Variants in KRT40 observed in about 807,000 individuals in gnomAD.
The protein encoded by KRT40 is keratin, type I cytoskeletal 40.
A neutral mutation model predicts 43.5 loss-of-function variants in KRT40; 47 were observed. The observed-to-expected ratio is 1.08, with a 90% CI of 0.86 to 1.38. The LOEUF (loss-of-function observed/expected upper bound fraction) is 1.38, where lower values mean the gene tolerates loss of function less well. KRT40 is among the 40% of genes most tolerant of loss of function. The probability of loss-of-function intolerance (pLI) is 0.00; values close to 1 mark genes in which losing one functional copy is unlikely to be tolerated. For synonymous variants in KRT40, 212 were observed against 214.0 expected (o/e 0.99, Z 0.08); for missense variants, 573 against 523.6 (o/e 1.09, Z -0.92).
At chr17:40,978,361 A>T in intron 6 of KRT40, 65 bp from the exon 7 acceptor site, 1 of 1,292,182 alleles carries the variant, frequency 7.7e-7, no homozygotes, top group Non-Finnish European at 1.1e-6. Context: ...CAACTCAGAA[A>T]AACCGTGTCA....
intron 5 of KRT40, among the ~76,000 whole-genome samples, chr17:40,980,221 G>T (rs991500186): frequency 6.6e-6 from 1 of 152,146 alleles, no homozygotes; most frequent in Non-Finnish European, 1.5e-5. Context: ...CCTTAAATCA[G>T]CATAGTGCCT....
Position 40,978,949 on chromosome 17 carries a change from T to C in KRT40, c.1051A>G (p.Ile351Val). 1 of 1,614,134 alleles carries C rather than the reference T, an allele frequency of 6.2e-7. No homozygotes were observed. The highest frequency in any genetic ancestry group is 8.5e-7 in the Non-Finnish European group (1 of 1,180,010). ...SSQLAQIQCL[I>V]DNLENQLAEI... The stretch of plus-strand genomic sequence containing the variant: ...GCCAGCTGGTTCTCCAGGTTATCGA[T>C]CAGACACTGAATTTGGGCCAGCTGG... The change falls in exon 6 of 7, where the codon ATC becomes GTC. Residue 351 changes from isoleucine (I) to valine (V), a missense_variant. By Grantham distance (29) the Ile-to-Val change is conservative. Transcript: ENST00000377755.
chr17:40,981,261 T>A, intron 3 of KRT40, 110 bp from the exon 4 acceptor site: 1 of 1,583,424 alleles, frequency 6.3e-7, no homozygotes. Context: ...AAGTGTGAGA[T>A]TTTGATTCAG....
In KRT40 at chr17:40,981,108, A is replaced by T; in HGVS notation, c.731T>A (p.Val244Glu). 1 of 1,614,172 alleles carries T rather than the reference A, an allele frequency of 6.2e-7. No homozygotes were observed. The highest frequency in any genetic ancestry group is 8.5e-7 in the Non-Finnish European group (1 of 1,180,022). ...AAGGGTGGGGGCAGTGTCCAGCTCCACACTGAGGCGGTCGCCAAGCTGTTC... is the reference window on the plus strand; with the variant it reads ...AAGGGTGGGGGCAGTGTCCAGCTCCTCACTGAGGCGGTCGCCAAGCTGTTC... ...LREQLGDRLS[V>E]ELDTAPTLDL... The change falls in exon 4 of 7, where the codon GTG becomes GAG. Residue 244 changes from valine to glutamate, a missense_variant. Transcript: ENST00000377755.
In KRT40 at chr17:40,983,987, A is replaced by G; in HGVS notation, c.287T>C (p.Leu96Pro). 6.2e-7 allele frequency: 1 copy of G among 1,614,090 alleles called. No homozygotes were observed. Among genetic ancestry groups the G allele is most frequent in the Non-Finnish European group, 8.5e-7 (1 of 1,180,026 alleles). Residue 96 changes from leucine (L) to proline (P), a missense_variant, in exon 1 of 7, where the codon CTG becomes CCG. Leu to Pro is a moderately conservative substitution (Grantham distance 98). Transcript: ENST00000377755. ...TSNEKETMQFLNDRLASYLEK... is the reference protein window; with the variant it reads ...TSNEKETMQFPNDRLASYLEK... Reference sequence around the variant, plus strand: ...CAGATAGCTGGCGAGTCTGTCATTCAGGAACTGCATCGTCTCCTTCTCATT... The same window carrying G: ...CAGATAGCTGGCGAGTCTGTCATTCGGGAACTGCATCGTCTCCTTCTCATT...
chr17:40,987,052 A>C (rs1248266558), upstream of KRT40: 1 of 152,238 alleles, frequency 6.6e-6, no homozygotes, highest in African/African-American at 2.4e-5. Flanking sequence ...CTCACATGTC[A>C]AGACTCAGCT....
intron 2 of KRT40, 124 bp from the exon 3 acceptor site, chr17:40,982,587 G>A: frequency 1.5e-6 from 1 of 654,698 alleles, no homozygotes; most frequent in Non-Finnish European, 2.3e-6. Context: ...TAATTCCTAA[G>A]TAATGATAAA....
At chr17:40,980,612 G>A (rs907352020) in intron 5 of KRT40, among the ~76,000 whole-genome samples, 173 bp downstream of exon 5, 2 of 152,132 alleles carry the variant, frequency 1.3e-5, no homozygotes, top group African/African-American at 4.8e-5. Context: ...GTGAAGGTAA[G>A]GCATCTTAGA....
Position 40,983,826 on chromosome 17 carries a change from C to A in KRT40, c.447+1G>T. 1.2e-6 allele frequency: 2 copies of A among 1,612,776 alleles called. No individual in the cohort carries two copies. Among genetic ancestry groups the A allele is most frequent in the Non-Finnish European group, 8.5e-7 (1 of 1,178,898 alleles). On this transcript the variant is annotated splice_donor_variant, in intron 1 of 6. Transcript: ENST00000377755. LOFTEE classifies it high-confidence loss of function. ...GAGCACTAGGGCAACAGGACACAGA[C>A]CTTTTGTTGGAGATCTTCAATGGTG... is the stretch of plus-strand genomic sequence containing the variant.
At chr17:40,985,972 A>G (rs1041068252), upstream of KRT40, among the ~76,000 whole-genome samples, 14 of 152,350 alleles carry the variant, frequency 9.2e-5, no homozygotes, top group African/African-American at 3.1e-4. Flanking sequence ...GTCTGGAACT[A>G]ATTTCTAATT....
Position 40,984,182 on chromosome 17 carries a change from G to C in KRT40, c.92C>G (p.Thr31Arg). 2 of 1,614,104 alleles carry C rather than the reference G, an allele frequency of 1.2e-6. No homozygotes were observed. The highest frequency in any genetic ancestry group is 1.7e-6 in the Non-Finnish European group (2 of 1,180,008). The change falls in exon 1 of 7, where the codon ACA (threonine) becomes AGA (arginine). Residue 31 changes from threonine to arginine, a missense_variant. Transcript: ENST00000377755. ...AGCACAGGTACCGGGGAGACAAGCT[G>C]TTTCCACGGAGCAGCTTGAGGCAGG... The part of the protein sequence containing the change: ...CAPASSCSVE[T>R]ACLPGTCATS...
upstream of KRT40, among the ~76,000 whole-genome samples, chr17:40,986,633 G>T (rs1243220621): frequency 6.6e-6 from 1 of 151,510 alleles, no homozygotes; most frequent in Non-Finnish European, 1.5e-5. Flanking sequence ...GCCCCAGATA[G>T]TTGCTAATCA....
intron 1 of KRT40, 77 bp downstream of exon 1, chr17:40,983,748 TAA>T: frequency 7.1e-7 from 1 of 1,409,664 alleles, no homozygotes; most frequent in Non-Finnish European, 9.8e-7. Flanking sequence ...TTTCCTTCTG[TAA>T]AACAGCCCCT....
chr17:40,984,285 C>G lies in KRT40; in HGVS notation c.-12G>C. Reference sequence around the variant, plus strand: ...CAGTCAGAAGTCATCCTTCCAGAAGCAAAGACAGAGACTGGCTGCAAAACT... The same window carrying G: ...CAGTCAGAAGTCATCCTTCCAGAAGGAAAGACAGAGACTGGCTGCAAAACT... On this transcript the variant is annotated 5_prime_UTR_variant, in exon 1 of 7. Transcript: ENST00000377755. 1.3e-6 allele frequency: 2 copies of G among 1,588,850 alleles called. No individual in the cohort carries two copies. The highest frequency in any genetic ancestry group is 1.7e-4 in the Middle Eastern group (1 of 5,956).
intron 5 of KRT40, 47 bp from the exon 6 acceptor site, chr17:40,979,071 G>A (rs753353453): frequency 1.3e-5 from 18 of 1,417,128 alleles, no homozygotes; most frequent in East Asian, 1.1e-4. Context: ...GCAGTCTCTC[G>A]GGCCAGAGTG....
intron 3 of KRT40, 94 bp downstream of exon 3, chr17:40,982,213 C>T: frequency 8.2e-7 from 1 of 1,219,456 alleles, no homozygotes; most frequent in Non-Finnish European, 1.1e-6. Flanking sequence ...TAAACAACAT[C>T]TGCCCAAATT....
chr17:40,982,463 C>T lies in KRT40; in HGVS notation c.531G>A (p.Lys177=). ...CKLATDDFKS[K]YESELSLRQL... is the part of the protein sequence containing the mutation. ...GGCGAAGGGACAGTTCACTCTCGTA[C>T]CTTTCACAGCAAAAGAGAAATCCAA... The change falls in exon 3 of 7, where the codon AAG becomes AAA. Residue 177 remains lysine, a splice_region_variant and synonymous_variant. Coordinates refer to ENST00000377755, the MANE Select transcript of KRT40 (RefSeq NM_001389244.1). 7 of 1,551,438 alleles carry T rather than the reference C, an allele frequency of 4.5e-6. No homozygotes were observed. The highest frequency in any genetic ancestry group is 6.1e-6 in the Non-Finnish European group (7 of 1,153,582).
chr17:40,985,655 A>G (rs568871706), upstream of KRT40, among the ~76,000 whole-genome samples: 1 of 152,322 alleles, frequency 6.6e-6, no homozygotes, highest in South Asian at 2.1e-4. Context: ...CTTAGGATTT[A>G]TTACTCCCTG....
At chr17:40,982,241 C>T in intron 3 of KRT40, 66 bp downstream of exon 3, 2 of 1,360,372 alleles carry the variant, frequency 1.5e-6, no homozygotes, top group Non-Finnish European at 1.9e-6. Context: ...CAAACATCAA[C>T]AGATCATCTG....
Sources: allele counts gnomAD v4.1 joint callset (sites outside exome capture counted in the v4.1 genomes callset), GRCh38; gene constraint gnomAD v4.1.1; transcripts MANE v1.5; gene names NCBI Gene and HGNC (gene_info 2026-07-23, HGNC 2026-07-21).